The following FOXP1 variants were observed in gnomAD, a reference collection of about 807,000 sequenced individuals.
The protein encoded by FOXP1 is forkhead box P1, also known as forkhead box protein P1.
Under a neutral mutation model 98.2 loss-of-function variants are expected in FOXP1, and 15 were observed. The ratio of observed to expected loss-of-function variants is 0.15; its 90% CI spans 0.10 to 0.24. FOXP1 has a LOEUF of 0.24. Ranked by LOEUF, FOXP1 falls within the 10% of genes least tolerant of loss-of-function variation. FOXP1 has a pLI of 1.00. For synonymous variants in FOXP1, 371 were observed against 314.5 expected (o/e 1.18, Z -1.90); for missense variants, 633 against 848.5 (o/e 0.75, Z 3.15).
chr3:71,580,677 T>G, intron 2 of FOXP1: 1 of 442,300 alleles, frequency 2.3e-6, no homozygotes, highest in Non-Finnish European at 3.0e-6. Context: ...AAAACGGGGG[T>G]GGGGGAAAGG....
At chr3:71,259,270 G>C (rs2068896863) in intron 5 of FOXP1, among the ~76,000 whole-genome samples, 1 of 152,232 alleles carries the variant, frequency 6.6e-6, no homozygotes, top group African/African-American at 2.4e-5. Context: ...ACAAGCTACA[G>C]TGTGACCTTG....
intron 7 of FOXP1, chr3:71,064,779 G>C (rs1278674310): frequency 4.1e-6 from 4 of 984,744 alleles, no homozygotes; most frequent in Non-Finnish European, 4.8e-6. Flanking sequence ...CGCGGAGCCG[G>C]GGGAAGGAGA....
At chr3:71,457,353 A>G (rs1229946879) in intron 3 of FOXP1, among the ~76,000 whole-genome samples, 2 of 152,224 alleles carry the variant, frequency 1.3e-5, no homozygotes, top group Non-Finnish European at 2.9e-5. Context: ...TTACTGTGCT[A>G]TATTGCAATT....
At chr3:71,151,681 C>G (rs1334619357) in intron 6 of FOXP1, among the ~76,000 whole-genome samples, 1 of 117,504 alleles carries the variant, frequency 8.5e-6, no homozygotes, top group Non-Finnish European at 1.8e-5. Flanking sequence ...TTTTTTTGCA[C>G]AAAGTTAATG....
At chr3:70,967,704 T>G (rs9858441) in intron 19 of FOXP1, among the ~76,000 whole-genome samples, 6 of 101,594 alleles carry the variant, frequency 5.9e-5, no homozygotes, top group East Asian at 6.1e-4. Flanking sequence ...TTTTTTGTTT[T>G]TTTTTGTTTT....
chr3:71,068,217 G>T (rs1057353125), intron 7 of FOXP1, among the ~76,000 whole-genome samples: 2 of 152,192 alleles, frequency 1.3e-5, no homozygotes, highest in African/African-American at 4.8e-5. Context: ...GCAGCTGGCT[G>T]TGCACTTAAG....
At chr3:71,030,802 AT>A (rs1455045931) in intron 11 of FOXP1, among the ~76,000 whole-genome samples, 2 of 152,002 alleles carry the variant, frequency 1.3e-5, no homozygotes, top group East Asian at 1.9e-4. Flanking sequence ...CTTGGTGTCA[AT>A]TTTTTTCTAA....
chr3:71,463,718 T>C (rs928733973), intron 3 of FOXP1, among the ~76,000 whole-genome samples: 8 of 152,176 alleles, frequency 5.3e-5, no homozygotes, highest in Non-Finnish European at 1.0e-4. Context: ...AGGGTAACTA[T>C]CATGACTGCG....
chr3:71,491,964 G>A (rs941363368), intron 3 of FOXP1, among the ~76,000 whole-genome samples: 7 of 152,234 alleles, frequency 4.6e-5, no homozygotes, highest in Admixed American at 4.6e-4. Flanking sequence ...ATTGAAATAA[G>A]CTAGAAAGAA....
intron 6 of FOXP1, among the ~76,000 whole-genome samples, chr3:71,151,266 T>C (rs1374505506): frequency 2.0e-5 from 3 of 152,226 alleles, no homozygotes; most frequent in Non-Finnish European, 4.4e-5. Context: ...TGCTGTATTT[T>C]ATTGATCTTC....
At chr3:71,145,689 C>T (rs1312722017) in intron 6 of FOXP1, among the ~76,000 whole-genome samples, 2 of 152,162 alleles carry the variant, frequency 1.3e-5, no homozygotes, top group African/African-American at 2.4e-5. Context: ...ATTATTTTAG[C>T]CATTTTCATA....
chr3:71,553,024 A>G (rs374703632), intron 2 of FOXP1, among the ~76,000 whole-genome samples: 2 of 152,188 alleles, frequency 1.3e-5, no homozygotes, highest in Admixed American at 6.5e-5. Context: ...AGTATCCTTC[A>G]AAGTTGTATT....
chr3:71,547,879 C>T lies in FOXP1; in HGVS notation c.-298+33670G>A, dbSNP rs116913893. ...CAATGGTCTGAGCTCTTGTTGTGTA[C>T]ATCTTTATTAGTTGGAAGAAAAGGT... is the stretch of plus-strand genomic sequence containing the variant. On this transcript the variant is annotated intron_variant, in intron 2 of 20. Coordinates refer to ENST00000649528, the MANE Select transcript of FOXP1 (RefSeq NM_001349338.3). 5.6e-4 allele frequency among the ~76,000 whole-genome samples: 85 copies of T among 152,322 alleles called. 1 individual carries two copies. The East Asian group carries it at 0.014, about 26-fold the overall frequency.
At chr3:71,293,685 T>A (rs1224228018) in intron 5 of FOXP1, among the ~76,000 whole-genome samples, 2 of 152,160 alleles carry the variant, frequency 1.3e-5, no homozygotes, top group African/African-American at 4.8e-5. Flanking sequence ...TTTAAGAAAT[T>A]TTTTTTCTTT....
intron 2 of FOXP1, among the ~76,000 whole-genome samples, chr3:71,534,669 G>A (rs1323912493): frequency 6.6e-6 from 1 of 152,216 alleles, no homozygotes; most frequent in African/African-American, 2.4e-5. Flanking sequence ...CAGAGCCAGA[G>A]TGGGGTTGGA....
chr3:71,487,005 C>CT (rs2090706010), intron 3 of FOXP1, among the ~76,000 whole-genome samples: 1 of 152,150 alleles, frequency 6.6e-6, no homozygotes, highest in African/African-American at 2.4e-5. Flanking sequence ...GTATGTGCCT[C>CT]TCCCTATGAG....
chr3:71,545,212 T>A (rs2045264065), intron 2 of FOXP1, among the ~76,000 whole-genome samples: 2 of 152,172 alleles, frequency 1.3e-5, no homozygotes, highest in African/African-American at 4.8e-5. Context: ...AGAGAAGGAC[T>A]GGTTTTCACC....
chr3:71,281,828 C>T (rs1172428373), intron 5 of FOXP1, among the ~76,000 whole-genome samples: 1 of 151,854 alleles, frequency 6.6e-6, no homozygotes, highest in African/African-American at 2.4e-5. Context: ...AGGCTGGGCA[C>T]AGTGGCTTAT....
chr3:71,399,236 AC>A (rs2081781119), intron 3 of FOXP1, among the ~76,000 whole-genome samples: 1 of 152,224 alleles, frequency 6.6e-6, no homozygotes. Context: ...TTAGGTGTAT[AC>A]ATATGTATGT....
Sources: allele counts gnomAD v4.1 joint callset (sites outside exome capture counted in the v4.1 genomes callset), GRCh38; gene constraint gnomAD v4.1.1; transcripts MANE v1.5; gene names NCBI Gene and HGNC (gene_info 2026-07-23, HGNC 2026-07-21).